The following ARHGEF37 variants were observed in gnomAD, a reference collection of about 807,000 sequenced individuals.
ARHGEF37 encodes the protein Rho guanine nucleotide exchange factor (GEF) 37.
A neutral mutation model predicts 71.1 loss-of-function variants in ARHGEF37; 55 were observed. That is an observed-to-expected ratio of 0.77 (90% CI 0.62 to 0.97). ARHGEF37 has a LOEUF of 0.97. Among genes scored for constraint, ARHGEF37 ranks in the 50% least tolerant of loss-of-function variants. The pLI is 0.00. For synonymous variants in ARHGEF37, 327 were observed against 350.6 expected, an observed-to-expected ratio of 0.93 and a Z score of 0.75; for missense variants, 765 against 836.8, an observed-to-expected ratio of 0.91 and a Z score of 1.06.
intron 1 of ARHGEF37, among the ~76,000 whole-genome samples, chr5:149,583,848 C>T (rs1366893134): frequency 6.6e-6 from 1 of 152,160 alleles, no homozygotes; most frequent in African/African-American, 2.4e-5. Context: ...GCAGCCTCAA[C>T]CGCCCAGGTT....
intron 1 of ARHGEF37, among the ~76,000 whole-genome samples, chr5:149,596,496 G>A (rs754230784): frequency 9.2e-5 from 14 of 152,096 alleles, no homozygotes; most frequent in Non-Finnish European, 1.8e-4. Flanking sequence ...GTAGAAATGC[G>A]GTTTTACCAT....
At chr5:149,585,018 T>C (rs1763195259) in intron 1 of ARHGEF37, among the ~76,000 whole-genome samples, 1 of 152,226 alleles carries the variant, frequency 6.6e-6, no homozygotes, top group Admixed American at 6.6e-5. Context: ...CCAAAGAATA[T>C]ATATGGGTGG....
At chr5:149,566,502 C>T (rs958421580) in intron 1 of ARHGEF37, among the ~76,000 whole-genome samples, 1 of 141,348 alleles carries the variant, frequency 7.1e-6, no homozygotes, top group Non-Finnish European at 1.5e-5. Context: ...TCTCAACCCC[C>T]CCATCCTCCC....
intron 1 of ARHGEF37, among the ~76,000 whole-genome samples, chr5:149,591,701 G>A (rs768388288): frequency 6.6e-5 from 10 of 152,166 alleles, no homozygotes; most frequent in Non-Finnish European, 8.8e-5. Context: ...AGTAGAAACC[G>A]TACTTTGAGT....
rs1763598174 is a variant in ARHGEF37 at position 149,597,973 on chromosome 5, C to A, written c.186+18C>A. On this transcript the variant is annotated intron_variant, in intron 2 of 12. Coordinates refer to ENST00000333677, the MANE Select transcript of ARHGEF37 (RefSeq NM_001001669.3). ...TCCAGCAGGTACTTGGGTGGGGTCACACACAACCTGTCTTTATAGGGGCAA... is the reference window on the plus strand; with the variant it reads ...TCCAGCAGGTACTTGGGTGGGGTCAAACACAACCTGTCTTTATAGGGGCAA... The A allele has an allele frequency of 6.4e-7, 1 of 1,559,222 alleles. No homozygotes were observed. The highest frequency in any genetic ancestry group is 8.7e-7 in the Non-Finnish European group (1 of 1,154,424).
At chr5:149,557,606 G>A (rs1265858094) in intron 1 of ARHGEF37, among the ~76,000 whole-genome samples, 2 of 152,080 alleles carry the variant, frequency 1.3e-5, no homozygotes, top group Admixed American at 1.3e-4. Flanking sequence ...AGCCTCCCAA[G>A]TAAATGGGAC....
intron 9 of ARHGEF37, among the ~76,000 whole-genome samples, chr5:149,623,227 A>G (rs1229050252): frequency 6.6e-6 from 1 of 152,172 alleles, no homozygotes; most frequent in Non-Finnish European, 1.5e-5. Flanking sequence ...TCATCTCCCT[A>G]TCCTCTGTAC....
chr5:149,628,683 T>C, intron 11 of ARHGEF37, 126 bp from the exon 12 acceptor site: 1 of 1,278,476 alleles, frequency 7.8e-7, no homozygotes, highest in East Asian at 2.6e-5. Context: ...GGTTCCTAGA[T>C]GACCTTTTGG....
At chr5:149,576,990 A>T (rs1228494025), upstream of ARHGEF37, among the ~76,000 whole-genome samples, 2 of 152,166 alleles carry the variant, frequency 1.3e-5, no homozygotes, top group Admixed American at 6.5e-5. Context: ...GAGACAGAAG[A>T]AATAATTCTC....
At chr5:149,611,821 C>T (rs2113348228) in intron 4 of ARHGEF37, among the ~76,000 whole-genome samples, 1 of 152,290 alleles carries the variant, frequency 6.6e-6, no homozygotes, top group South Asian at 2.1e-4. Flanking sequence ...ACAAATATTA[C>T]ATACATTTAC....
chr5:149,621,172 C>A (rs1450205380), intron 8 of ARHGEF37, among the ~76,000 whole-genome samples: 1 of 151,836 alleles, frequency 6.6e-6, no homozygotes, highest in Non-Finnish European at 1.5e-5. Flanking sequence ...TATACAAAAT[C>A]TTTTCTAAGG....
At chr5:149,601,260 C>T in intron 3 of ARHGEF37, 29 bp downstream of exon 3, 1 of 1,600,988 alleles carries the variant, frequency 6.2e-7, no homozygotes, top group South Asian at 1.1e-5. Flanking sequence ...GAGTTGTCAG[C>T]CTTAGATTCT....
intron 1 of ARHGEF37, among the ~76,000 whole-genome samples, chr5:149,584,364 AAG>A: frequency 1.3e-5 from 2 of 151,714 alleles, no homozygotes; most frequent in Non-Finnish European, 2.9e-5. Flanking sequence ...TCCTCCAGGA[AAG>A]AGAGAGAGAA....
chr5:149,583,172 T>C (rs1763150855), intron 1 of ARHGEF37, among the ~76,000 whole-genome samples: 1 of 152,252 alleles, frequency 6.6e-6, no homozygotes, highest in Non-Finnish European at 1.5e-5. Context: ...GAAGTCTCGC[T>C]GTCTCCCAGG....
chr5:149,618,217 C>A lies in ARHGEF37; in HGVS notation c.700C>A (p.Arg234=), dbSNP rs567909765. The A allele has an allele frequency of 9.9e-6, 16 of 1,614,084 alleles. No individual in the cohort carries two copies. Among genetic ancestry groups the A allele is most frequent in the African/African-American group, 1.3e-5 (1 of 74,936 alleles). The change falls in exon 6 of 13, where the codon CGG becomes AGG. Residue 234 remains arginine, a synonymous_variant. Transcript: ENST00000333677. ...GGTAGAGCAGCTGACCCTCCGGGAG[C>A]GGCTGGCCCGCATCAACACACACAC... ...TKVEQLTLRE[R]LARINTHTLS...
At chr5:149,583,901 CA>C (rs2113268665) in intron 1 of ARHGEF37, among the ~76,000 whole-genome samples, 1 of 152,268 alleles carries the variant, frequency 6.6e-6, no homozygotes, top group African/African-American at 2.4e-5. Flanking sequence ...GCTGGGACTA[CA>C]GGCATATGCC....
intron 1 of ARHGEF37, among the ~76,000 whole-genome samples, chr5:149,597,152 C>T (rs1763569698): frequency 2.0e-5 from 3 of 151,872 alleles, no homozygotes; most frequent in Admixed American, 2.0e-4. Context: ...TCAGCTGTAC[C>T]AGATAAAGAA....
chr5:149,600,350 G>T (rs58921723), intron 2 of ARHGEF37, among the ~76,000 whole-genome samples: 1 of 152,180 alleles, frequency 6.6e-6, no homozygotes, highest in Non-Finnish European at 1.5e-5. Flanking sequence ...CCACTTGAAT[G>T]TGTGTCCAGC....
chr5:149,599,252 G>A (rs755198862), intron 2 of ARHGEF37, among the ~76,000 whole-genome samples: 2 of 152,068 alleles, frequency 1.3e-5, no homozygotes, highest in African/African-American at 4.8e-5. Flanking sequence ...GAGGACATAC[G>A]CCCACAGCCC....
Sources: gnomAD v4.1 joint callset for allele counts (sites outside exome capture counted in the v4.1 genomes callset) on GRCh38, gnomAD v4.1.1 for gene constraint, MANE v1.5 for transcripts, NCBI Gene and HGNC (gene_info 2026-07-23, HGNC 2026-07-21) for gene names.